Variants in HINT2 observed in about 807,000 individuals in gnomAD.
HINT2 encodes the protein adenosine 5'-monophosphoramidase HINT2.
Under a neutral mutation model 20.0 loss-of-function variants are expected in HINT2, and 17 were observed. The ratio of observed to expected loss-of-function variants is 0.85; its 90% CI spans 0.58 to 1.27. HINT2 has a LOEUF of 1.27. HINT2 is among the 50% of genes most tolerant of loss of function. The pLI, the probability that HINT2 is intolerant of heterozygous loss-of-function variation, is 0.00. For synonymous variants in HINT2, 96 were observed against 84.2 expected, an observed-to-expected ratio of 1.14 and a Z score of -0.77; for missense variants, 217 against 211.9, an observed-to-expected ratio of 1.02 and a Z score of -0.15.
chr9:35,815,137 C>G, upstream of HINT2: 5 of 587,800 alleles, frequency 8.5e-6, no homozygotes, highest in Middle Eastern at 4.8e-4. Flanking sequence ...ACCCCATTGC[C>G]TCTGCAGCCA....
In HINT2 at chr9:35,814,963, AC is replaced by A; in HGVS notation, c.16del (p.Val6CysfsTer29). The A allele has an allele frequency of 6.8e-7, 1 of 1,476,390 alleles. No individual in the cohort carries two copies. Among genetic ancestry groups the A allele is most frequent in the Admixed American group, 2.4e-5 (1 of 41,216 alleles). The allele number at this position is 1,476,390 out of a possible 1,614,324, so 91.5% of individuals were successfully genotyped here. Reference sequence around the variant, plus strand: ...CGCCGCGCGCAACCCAGCAGCCAGCACCACGGCTGCCGCCATCTTCCCTGAG... The same window carrying A: ...CGCCGCGCGCAACCCAGCAGCCAGCACACGGCTGCCGCCATCTTCCCTGAG... MAAAVVLAAGLRAARR... is the reference protein window; with the variant it reads MAAAVXLAAGLRAARR... On this transcript the variant is annotated frameshift_variant, in exon 1 of 5. Transcript: ENST00000259667. LOFTEE classifies it high-confidence loss of function.
intron 1 of HINT2, 152 bp downstream of exon 1, chr9:35,814,747 G>A (rs1828973167): frequency 1.6e-6 from 1 of 643,408 alleles, no homozygotes; most frequent in South Asian, 2.4e-5. Flanking sequence ...CCACCAGTTC[G>A]ACCTCACCAC....
Position 35,813,751 on chromosome 9 carries a change from CA to C in HINT2, c.114del (p.Asn38LysfsTer74). 1.2e-6 allele frequency: 2 copies of C among 1,613,858 alleles called. No individual in the cohort carries two copies. The highest frequency in any genetic ancestry group is 1.7e-6 in the Non-Finnish European group (2 of 1,179,844). ...GTTGCCTGCTGGGCCTTGGCCACTT[CA>C]TTCCCATCAGTCACACCTGCAGCTC... ...VRGAAGVTDGNEVAKAQQATP... is the reference protein window; with the variant it reads ...VRGAAGVTDGXEVAKAQQATP... On this transcript the variant is annotated frameshift_variant, in exon 2 of 5. Coordinates refer to ENST00000259667, the MANE Select transcript of HINT2 (RefSeq NM_032593.3). LOFTEE classifies it high-confidence loss of function.
upstream of HINT2, chr9:35,815,307 G>A (rs911097116): frequency 2.5e-5 from 7 of 278,594 alleles, no homozygotes; most frequent in Non-Finnish European, 4.7e-5. Flanking sequence ...CCATTGGAAG[G>A]ATTAATGGAG....
chr9:35,814,968 G>A lies in HINT2; in HGVS notation c.12C>T (p.Ala4=), dbSNP rs1264515200. Residue 4 remains alanine (A), a synonymous_variant, in exon 1 of 5, where the codon GCC becomes GCT. Transcript: ENST00000259667. The stretch of plus-strand genomic sequence containing the variant: ...CGCGCAACCCAGCAGCCAGCACCAC[G>A]GCTGCCGCCATCTTCCCTGAGCCGC... MAA[A]VVLAAGLRAA... 3.4e-6 allele frequency: 5 copies of A among 1,474,598 alleles called. No homozygotes were observed. Among genetic ancestry groups the A allele is most frequent in the Non-Finnish European group, 4.5e-6 (5 of 1,120,268 alleles). 91.3% of individuals were successfully genotyped at this position (1,474,598 alleles called of 1,614,324 possible). A position where few individuals can be genotyped will look rare whatever the true frequency, so the allele number is the denominator to read the frequency against.
chr9:35,814,953 A>G lies in HINT2; in HGVS notation c.27T>C (p.Ala9=), dbSNP rs1828983306. The change falls in exon 1 of 5, where the codon GCT becomes GCC. Residue 9 remains alanine, a synonymous_variant. Transcript: ENST00000259667. MAAAVVLA[A]GLRAARRAVA... ...CGGCTCTGCGCGCCGCGCGCAACCCAGCAGCCAGCACCACGGCTGCCGCCA... is the reference window on the plus strand; with the variant it reads ...CGGCTCTGCGCGCCGCGCGCAACCCGGCAGCCAGCACCACGGCTGCCGCCA... 1.3e-6 allele frequency: 2 copies of G among 1,482,116 alleles called. No homozygotes were observed. The highest frequency in any genetic ancestry group is 5.9e-5 in the East Asian group (2 of 33,830). The allele number at this position is 1,482,116 out of a possible 1,614,324, so 91.8% of individuals were successfully genotyped here.
rs1828914429 is a variant in HINT2 at position 35,813,505 on chromosome 9, G to A, written c.267C>T (p.Phe89=). Residue 89 remains phenylalanine, a synonymous_variant, in exon 3 of 5, where the codon TTC becomes TTT. Transcript: ENST00000259667. ...GAATGGGCTTCTTAGGAATGACCAGGAAGTGCACAGGAGCCTGAGGGGCCA... is the reference window on the plus strand; with the variant it reads ...GAATGGGCTTCTTAGGAATGACCAGAAAGTGCACAGGAGCCTGAGGGGCCA... The part of the protein sequence containing the change: ...RDVAPQAPVH[F]LVIPKKPIPR... 3 of 1,614,064 alleles carry A rather than the reference G, an allele frequency of 1.9e-6. No homozygotes were observed. The highest frequency in any genetic ancestry group is 1.7e-5 in the Admixed American group (1 of 59,998).
chr9:35,814,795 A>G, intron 1 of HINT2, 104 bp downstream of exon 1: 2 of 1,016,892 alleles, frequency 2.0e-6, no homozygotes, highest in Middle Eastern at 2.8e-4. Context: ...GGCAGAGGCC[A>G]CAGGCAGGAG....
rs147846916 is a variant in HINT2 at position 35,813,079 on chromosome 9, C to T, written c.467G>A (p.Arg156Gln). The part of the protein sequence containing the change: ...YHLHIHVLGG[R>Q]QLQWPPG ...TCAACCTGGAGGCCACTGGAGCTGC[C>T]GGCCCCCAAGTACATGAATGTGCAG... The change falls in exon 5 of 5, where the codon CGG (arginine) becomes CAG (glutamine). Residue 156 changes from arginine to glutamine, a missense_variant. Coordinates refer to ENST00000259667, the MANE Select transcript of HINT2 (RefSeq NM_032593.3). 3.2e-5 allele frequency: 52 copies of T among 1,614,022 alleles called. No individual in the cohort carries two copies. In the African/African-American group the frequency reaches 5.2e-4, roughly 16 times the overall value.
intron 1 of HINT2, 115 bp downstream of exon 1, chr9:35,814,784 G>A (rs919807208): frequency 3.4e-6 from 3 of 878,188 alleles, no homozygotes; most frequent in Non-Finnish European, 3.2e-6. Context: ...TGCCTCGGAG[G>A]GGCAGAGGCC....
chr9:35,813,345 A>G lies in HINT2; in HGVS notation c.328-7T>C, dbSNP rs1403477417. Reference sequence around the variant, plus strand: ...GGAGTAGGTGTCCTAGAAGCTATAGAGAGAGCGGAGGGACATAGGTGGCTT... The same window carrying G: ...GGAGTAGGTGTCCTAGAAGCTATAGGGAGAGCGGAGGGACATAGGTGGCTT... On this transcript the variant is annotated splice_region_variant and splice_polypyrimidine_tract_variant and intron_variant, in intron 3 of 4. Coordinates refer to ENST00000259667, the MANE Select transcript of HINT2 (RefSeq NM_032593.3). The G allele has an allele frequency of 6.2e-7, 1 of 1,613,524 alleles. No individual in the cohort carries two copies. Among genetic ancestry groups the G allele is most frequent in the East Asian group, 2.2e-5 (1 of 44,884 alleles).
Position 35,814,910 on chromosome 9 carries a change from G to A in HINT2, c.70C>T (p.Arg24Cys), listed in dbSNP as rs1828981386. 6 of 1,487,162 alleles carry A rather than the reference G, an allele frequency of 4.0e-6. No individual in the cohort carries two copies. In the African/African-American group the frequency reaches 4.4e-5, roughly 11 times the overall value. The allele number at this position is 1,487,162 out of a possible 1,614,324, so 92.1% of individuals were successfully genotyped here. ...GCGCCACTTCTCACCTGCCCCCCGC[G>A]CACCCCCGTGGCCGCCACGGCTCTG... ...ARRAVAATGV[R>C]GGQVRGAAGV... The change falls in exon 1 of 5, where the codon CGC becomes TGC. Residue 24 changes from arginine to cysteine, a missense_variant. Physicochemically the swap from Arg to Cys is radical, Grantham distance 180 (BLOSUM62 -3). Coordinates refer to ENST00000259667, the MANE Select transcript of HINT2 (RefSeq NM_032593.3).
Position 35,813,722 on chromosome 9 carries a change from A to C in HINT2, c.144T>G (p.Pro48=). ...AGAAGATGGTTGGGGCTGCTCCCCC[A>C]GGAGTTGCCTGCTGGGCCTTGGCCA... ...NEVAKAQQAT[P]GGAAPTIFSR... Residue 48 remains proline, a synonymous_variant, in exon 2 of 5, where the codon CCT becomes CCG. Coordinates refer to ENST00000259667, the MANE Select transcript of HINT2 (RefSeq NM_032593.3). 1 of 1,614,178 alleles carries C rather than the reference A, an allele frequency of 6.2e-7. No homozygotes were observed. The highest frequency in any genetic ancestry group is 1.1e-5 in the South Asian group (1 of 91,086).
In HINT2 at chr9:35,813,682, T is replaced by C; in HGVS notation, c.184A>G (p.Lys62Glu). Residue 62 changes from lysine to glutamate, a missense_variant, in exon 2 of 5, where the codon AAG becomes GAG. Coordinates refer to ENST00000259667, the MANE Select transcript of HINT2 (RefSeq NM_032593.3). ...APTIFSRILD[K>E]SLPADILYED... ...TAGAGAATGTCAGCTGGGAGGCTCT[T>C]GTCCAGGATCCGGGAGAAGATGGTT... The C allele has an allele frequency of 6.2e-7, 1 of 1,614,160 alleles. No homozygotes were observed.
chr9:35,813,723 G>A lies in HINT2; in HGVS notation c.143C>T (p.Pro48Leu). Residue 48 changes from proline (P) to leucine (L), a missense_variant, in exon 2 of 5, where the codon CCT becomes CTT. Transcript: ENST00000259667. ...NEVAKAQQAT[P>L]GGAAPTIFSR... Reference sequence around the variant, plus strand: ...GAAGATGGTTGGGGCTGCTCCCCCAGGAGTTGCCTGCTGGGCCTTGGCCAC... The same window carrying A: ...GAAGATGGTTGGGGCTGCTCCCCCAAGAGTTGCCTGCTGGGCCTTGGCCAC... 1 of 1,614,194 alleles carries A rather than the reference G, an allele frequency of 6.2e-7. No individual in the cohort carries two copies. The highest frequency in any genetic ancestry group is 8.5e-7 in the Non-Finnish European group (1 of 1,180,018).
chr9:35,812,971 C>T lies in HINT2; in HGVS notation c.*83G>A, dbSNP rs1308735349. On this transcript the variant is annotated 3_prime_UTR_variant, in exon 5 of 5. Coordinates refer to ENST00000259667, the MANE Select transcript of HINT2 (RefSeq NM_032593.3). ...ACAGGAGAGCATAATTAAGGGAGAA[C>T]AGTTTTATTAGCATCACAGGGTCCA... 8 of 1,035,948 alleles carry T rather than the reference C, an allele frequency of 7.7e-6. No homozygotes were observed. The highest frequency in any genetic ancestry group is 1.2e-5 in the Non-Finnish European group (8 of 656,104). 64.2% of individuals were successfully genotyped at this position (1,035,948 alleles called of 1,614,324 possible).
chr9:35,814,534 A>G (rs1045566511), intron 1 of HINT2: 1 of 231,322 alleles, frequency 4.3e-6, no homozygotes, highest in African/African-American at 2.3e-5. Flanking sequence ...AGAGGTTAAC[A>G]CTAGTGCTCA....
At chr9:35,815,054 G>T (rs1312391441), upstream of HINT2, 1 of 1,286,470 alleles carries the variant, frequency 7.8e-7, no homozygotes. Context: ...GGGACTCCGG[G>T]CGCGGGGAAG....
In HINT2 at chr9:35,813,321, G is replaced by A. The variant is rs759860704; in HGVS notation, c.345C>T (p.Leu115=). Residue 115 remains leucine (L), a synonymous_variant, in exon 4 of 5, where the codon CTC becomes CTT. Coordinates refer to ENST00000259667, the MANE Select transcript of HINT2 (RefSeq NM_032593.3). ...EEDQQLLGHL[L]LVAKQTAKAE... ...CCTTTGCTGTCTGCTTGGCCACAAGGAGTAGGTGTCCTAGAAGCTATAGAG... is the reference window on the plus strand; with the variant it reads ...CCTTTGCTGTCTGCTTGGCCACAAGAAGTAGGTGTCCTAGAAGCTATAGAG... 4.3e-6 allele frequency: 7 copies of A among 1,614,024 alleles called. No homozygotes were observed. The Admixed American group carries it at 8.3e-5, about 19-fold the overall frequency.
Sources: gnomAD v4.1 joint callset for allele counts on GRCh38, gnomAD v4.1.1 for gene constraint, MANE v1.5 for transcripts, NCBI Gene and HGNC (gene_info 2026-07-23, HGNC 2026-07-21) for gene names.